Variants in ATP8A2 observed in about 807,000 individuals in gnomAD.
ATP8A2 encodes the protein ATPase phospholipid transporting 8A2.
In ATP8A2, 100 loss-of-function variants were observed where a neutral mutation model predicts 165.6. The observed-to-expected ratio is 0.60, with a 90% CI of 0.51 to 0.71. ATP8A2 has a LOEUF of 0.71. Among genes scored for constraint, ATP8A2 ranks in the 30% least tolerant of loss-of-function variants. ATP8A2 has a pLI of 0.00. For synonymous variants in ATP8A2, 543 were observed against 548.8 expected (o/e 0.99, Z 0.15); for missense variants, 1,227 against 1,479.5 (o/e 0.83, Z 2.80).
rs11372481 is a variant in ATP8A2 at position 25,695,132 on chromosome 13, C to CTT, written c.2212-4029_2212-4028dup. Among the ~76,000 whole-genome samples, 18 of 146,514 alleles carry CTT rather than the reference C, an allele frequency of 1.2e-4. 1 individual carries two copies. Among genetic ancestry groups the CTT allele is most frequent in the South Asian group, 4.3e-4 (2 of 4,628 alleles). On this transcript the variant is annotated intron_variant, in intron 24 of 36. Transcript: ENST00000381655. ...ACTGTAATAAAGCAAGTCACACTAT[C>CTT]TTTTTTTTTTTTTGGTTTTCCAGTG...
intron 28 of ATP8A2, among the ~76,000 whole-genome samples, chr13:25,832,190 G>A (rs989176851): frequency 1.3e-5 from 2 of 152,018 alleles, no homozygotes; most frequent in Non-Finnish European, 2.9e-5. Context: ...TGCCTGCCTC[G>A]GCCCCCCAGA....
intron 34 of ATP8A2, among the ~76,000 whole-genome samples, chr13:25,967,593 C>T (rs1955808223): frequency 6.6e-6 from 1 of 152,172 alleles, no homozygotes. Context: ...AGGATCCTCA[C>T]ATGTATTTAT....
At chr13:25,462,830 G>A (rs897764376) in intron 1 of ATP8A2, among the ~76,000 whole-genome samples, 1 of 152,276 alleles carries the variant, frequency 6.6e-6, no homozygotes, top group East Asian at 1.9e-4. Context: ...ACCATGAATA[G>A]CAAAGATACT....
At chr13:25,882,885 C>G (rs1201866702) in intron 33 of ATP8A2, among the ~76,000 whole-genome samples, 1 of 150,202 alleles carries the variant, frequency 6.7e-6, no homozygotes, top group African/African-American at 2.5e-5. Context: ...CTTAAAGCCC[C>G]TGTGCCTGAG....
intron 4 of ATP8A2, among the ~76,000 whole-genome samples, chr13:25,531,493 GTC>G (rs2038111844): frequency 1.4e-5 from 2 of 147,922 alleles, no homozygotes; most frequent in Admixed American, 6.9e-5. Flanking sequence ...TGCATGTGCT[GTC>G]TCTCTGTCTC....
chr13:25,477,293 C>T (rs1249590880), intron 2 of ATP8A2, among the ~76,000 whole-genome samples: 1 of 152,196 alleles, frequency 6.6e-6, no homozygotes, highest in Non-Finnish European at 1.5e-5. Context: ...TTCCCAAATT[C>T]TGTTAACTCT....
At chr13:25,401,845 A>C (rs1340844939) in intron 1 of ATP8A2, among the ~76,000 whole-genome samples, 1 of 152,136 alleles carries the variant, frequency 6.6e-6, no homozygotes, top group African/African-American at 2.4e-5. Context: ...CAACATCACT[A>C]CTGTTGTGCT....
intron 33 of ATP8A2, among the ~76,000 whole-genome samples, chr13:25,864,928 CT>C (rs1952465797): frequency 6.6e-6 from 1 of 152,220 alleles, no homozygotes; most frequent in Non-Finnish European, 1.5e-5. Context: ...AACTTTTACA[CT>C]GTTTCACCTG....
chr13:25,643,758 C>A (rs75165475), intron 24 of ATP8A2, among the ~76,000 whole-genome samples: 2 of 149,020 alleles, frequency 1.3e-5, no homozygotes, highest in African/African-American at 2.5e-5. Flanking sequence ...TTTTTCAGTT[C>A]CAGATGAATT....
chr13:25,965,785 A>G (rs1955762806), intron 34 of ATP8A2, among the ~76,000 whole-genome samples: 1 of 152,196 alleles, frequency 6.6e-6, no homozygotes, highest in Non-Finnish European at 1.5e-5. Context: ...CATCAACAAT[A>G]CAGTCCCCGA....
Position 25,473,235 on chromosome 13 carries a change from A to G in ATP8A2, c.221+4114A>G, listed in dbSNP as rs2035897893. 3.3e-5 allele frequency among the ~76,000 whole-genome samples: 5 copies of G among 152,294 alleles called. No individual in the cohort carries two copies. The South Asian group carries it at 6.2e-4, about 19-fold the overall frequency. ...ACCTTGTTCTCATTCTTGACGCTGA[A>G]AATACCACCAGTGTTTGATCTGAAG... On this transcript the variant is annotated intron_variant, in intron 2 of 36. Coordinates refer to ENST00000381655, the MANE Select transcript of ATP8A2 (RefSeq NM_016529.6).
intron 33 of ATP8A2, among the ~76,000 whole-genome samples, chr13:25,915,525 C>T (rs534597931): frequency 1.3e-4 from 20 of 152,282 alleles, no homozygotes; most frequent in Middle Eastern, 3.4e-3. Context: ...CCAGCAGGGG[C>T]GGGAGCAATA....
At chr13:25,624,088 T>C (rs910299979) in intron 24 of ATP8A2, among the ~76,000 whole-genome samples, 16 of 152,174 alleles carry the variant, frequency 1.1e-4, no homozygotes, top group Non-Finnish European at 1.9e-4. Flanking sequence ...ACATTGGTGG[T>C]GCTTAAACGG....
chr13:25,419,275 A>G (rs953238942), intron 1 of ATP8A2, among the ~76,000 whole-genome samples: 5 of 152,034 alleles, frequency 3.3e-5, no homozygotes, highest in African/African-American at 1.2e-4. Context: ...AACTCCAAAT[A>G]CCCTCATCTA....
Position 25,782,993 on chromosome 13 carries a change from A to G in ATP8A2, c.2679+8034A>G, listed in dbSNP as rs149074177. Reference sequence around the variant, plus strand: ...TGACCTCAGGTGATCCACATGCCTCAGCCTCCCAAAGTGCTGGGATTACAG... The same window carrying G: ...TGACCTCAGGTGATCCACATGCCTCGGCCTCCCAAAGTGCTGGGATTACAG... On this transcript the variant is annotated intron_variant, in intron 27 of 36. Coordinates refer to ENST00000381655, the MANE Select transcript of ATP8A2 (RefSeq NM_016529.6). Among the ~76,000 whole-genome samples the G allele has an allele frequency of 9.0e-3, 1,366 of 152,300 alleles. 19 individuals are homozygous for G. The highest frequency in any genetic ancestry group is 0.029 in the African/African-American group (1,197 of 41,562).
At chr13:25,593,686 G>A (rs901215481) in intron 24 of ATP8A2, among the ~76,000 whole-genome samples, 2 of 152,190 alleles carry the variant, frequency 1.3e-5, no homozygotes, top group Non-Finnish European at 2.9e-5. Context: ...GGAATGGGTA[G>A]GAGGAGGGAG....
chr13:25,966,909 T>G (rs4238194), intron 34 of ATP8A2, among the ~76,000 whole-genome samples: 147,824 of 152,224 alleles, frequency 0.97, 71,821 homozygotes, highest in East Asian at 1. Context: ...GGAAAGGGGA[T>G]AGGGAGAGAG....
At position 25,953,538 on chromosome 13, in the gene ATP8A2, A is replaced by AAC. The variant is rs1555296233; in HGVS notation, c.3184-8036_3184-8035insCA. 1.1e-4 allele frequency among the ~76,000 whole-genome samples: 15 copies of AAC among 141,604 alleles called. 1 individual carries two copies. Among genetic ancestry groups the AAC allele is most frequent in the African/African-American group, 3.7e-4 (14 of 37,584 alleles). The allele number at this position is 141,604 out of a possible 152,430, so 92.9% of individuals were successfully genotyped here. On this transcript the variant is annotated intron_variant, in intron 33 of 36. Transcript: ENST00000381655. This position sits in a 1 kb window ranked among gnomAD's most constrained non-coding sequence, Gnocchi z 6.7. ...CAGCCTTTTTAAAAAAAAAAAAAAA[A>AAC]AAAAAAAAGCAAGGGAAATAGGCAA...
At chr13:25,490,670 A>T (rs2036498207) in intron 2 of ATP8A2, among the ~76,000 whole-genome samples, 1 of 152,034 alleles carries the variant, frequency 6.6e-6, no homozygotes, top group Non-Finnish European at 1.5e-5. Context: ...TCCCTGCAAA[A>T]GCCTTCTTTT....
Sources: allele counts gnomAD v4.1 joint callset (sites outside exome capture counted in the v4.1 genomes callset), GRCh38; gene constraint gnomAD v4.1.1; non-coding constraint Gnocchi (gnomAD v3.1); transcripts MANE v1.5; gene names NCBI Gene and HGNC (gene_info 2026-07-23, HGNC 2026-07-21).